P4HA3: variants seen among roughly 807,000 people sequenced by gnomAD.
P4HA3 encodes the protein prolyl 4-hydroxylase subunit alpha-3.
P4HA3 carries 60 observed loss-of-function variants against 66.7 expected under a neutral mutation model. The ratio of observed to expected loss-of-function variants is 0.90; its 90% CI spans 0.73 to 1.12. The LOEUF is 1.12. Among genes scored for constraint, P4HA3 ranks in the 50% most tolerant of loss-of-function variants. The probability of loss-of-function intolerance (pLI) is 0.00; values close to 1 mark genes in which losing one functional copy is unlikely to be tolerated. For synonymous variants in P4HA3, 263 were observed against 274.6 expected (o/e 0.96, Z 0.42); for missense variants, 683 against 685.8 (o/e 1.00, Z 0.05).
chr11:74,303,084 C>G (rs927193157), intron 2 of P4HA3, among the ~76,000 whole-genome samples: 1 of 151,940 alleles, frequency 6.6e-6, no homozygotes, highest in African/African-American at 2.4e-5. Context: ...TCTGAGTAGG[C>G]AGGACTTCAG....
At chr11:74,260,679 T>C (rs1859893301) in intron 14 of P4HA3, among the ~76,000 whole-genome samples, 1 of 152,220 alleles carries the variant, frequency 6.6e-6, no homozygotes, top group Non-Finnish European at 1.5e-5. Context: ...AATGGTTTTA[T>C]TAGGTTGGTG....
chr11:74,277,250 G>C (rs1438327595), intron 8 of P4HA3, 106 bp from the exon 9 acceptor site: 1 of 1,356,380 alleles, frequency 7.4e-7, no homozygotes, highest in Non-Finnish European at 1.0e-6. Flanking sequence ...ATTGCCAGAA[G>C]GAAGGATGGA....
In P4HA3 at chr11:74,273,534, G is replaced by T; in HGVS notation, c.1398+11C>A. 6.6e-7 allele frequency: 1 copy of T among 1,523,566 alleles called. No homozygotes were observed. The highest frequency in any genetic ancestry group is 8.8e-7 in the Non-Finnish European group (1 of 1,136,718). The allele number at this position is 1,523,566 out of a possible 1,614,324, so 94.4% of individuals were successfully genotyped here. ...TCAGTCATGAAGTAAGAAGCCCAGAGCAATACTCACATAGATCATAAATGT... is the reference window on the plus strand; with the variant it reads ...TCAGTCATGAAGTAAGAAGCCCAGATCAATACTCACATAGATCATAAATGT... On this transcript the variant is annotated intron_variant, in intron 10 of 12. Coordinates refer to ENST00000331597, the MANE Select transcript of P4HA3 (RefSeq NM_182904.5).
At chr11:74,297,874 T>C (rs1444910219) in intron 4 of P4HA3, among the ~76,000 whole-genome samples, 1 of 152,204 alleles carries the variant, frequency 6.6e-6, no homozygotes, top group Non-Finnish European at 1.5e-5. Flanking sequence ...ATGAACCCAT[T>C]AACTATTTGT....
chr11:74,270,066 C>T (rs1466935963), intron 10 of P4HA3, among the ~76,000 whole-genome samples: 6 of 152,154 alleles, frequency 3.9e-5, no homozygotes, highest in Non-Finnish European at 4.4e-5. Flanking sequence ...CACACATACA[C>T]ACACACACAG....
downstream of P4HA3, among the ~76,000 whole-genome samples, chr11:74,262,157 C>A (rs908601386): frequency 2.0e-5 from 3 of 152,098 alleles, no homozygotes; most frequent in Non-Finnish European, 2.9e-5. Flanking sequence ...TGCCCTTGAA[C>A]CCTTAACCAA....
chr11:74,277,205 C>G (rs1263450391), intron 8 of P4HA3, 61 bp from the exon 9 acceptor site: 1 of 1,532,154 alleles, frequency 6.5e-7, no homozygotes, highest in Non-Finnish European at 8.9e-7. Context: ...TAAATGACGT[C>G]TCTGAATGAA....
intron 7 of P4HA3, among the ~76,000 whole-genome samples, chr11:74,284,299 T>C (rs892384237): frequency 6.6e-6 from 1 of 152,242 alleles, no homozygotes; most frequent in Non-Finnish European, 1.5e-5. Context: ...ACCTTGCTGT[T>C]AACTGCAGTA....
chr11:74,252,076 G>A (rs1859689590), intron 15 of P4HA3, among the ~76,000 whole-genome samples: 1 of 150,550 alleles, frequency 6.6e-6, no homozygotes, highest in Non-Finnish European at 1.5e-5. Flanking sequence ...TGCTGCCAAG[G>A]AAAGCTGGGC....
In P4HA3 at chr11:74,302,442, G is replaced by C; in HGVS notation, c.494C>G (p.Ser165Cys). ...GGGGCTGTACAGGTCAGTGATGGCA[G>C]AGCCAGTGACTCTCTGAAAGACACC... ...ARGVFQRVTG[S>C]AITDLYSPKR... Residue 165 changes from serine (S) to cysteine (C), a missense_variant, in exon 3 of 13, where the codon TCT (serine) becomes TGT (cysteine). Transcript: ENST00000331597. 6.2e-7 allele frequency: 1 copy of C among 1,614,184 alleles called. No individual in the cohort carries two copies. The highest frequency in any genetic ancestry group is 8.5e-7 in the Non-Finnish European group (1 of 1,180,028).
intron 4 of P4HA3, among the ~76,000 whole-genome samples, chr11:74,294,025 A>G (rs962807421): frequency 2.0e-5 from 3 of 152,180 alleles, no homozygotes; most frequent in African/African-American, 2.4e-5. Context: ...TCTCCTGGAT[A>G]ATATCCTGCA....
At chr11:74,289,045 C>G (rs774492408) in intron 5 of P4HA3, 34 bp downstream of exon 5, 3 of 1,469,104 alleles carry the variant, frequency 2.0e-6, no homozygotes, top group Non-Finnish European at 2.7e-6. Flanking sequence ...GTAAATCAGA[C>G]CTGTGGCTGG....
chr11:74,311,355 G>T lies in P4HA3; in HGVS notation c.200+57C>A, dbSNP rs563451193. ...CACTCAACCTGAGTCACCCCACCCT[G>T]CGGCACAGTGTATCCCACTGAGGCC... is the stretch of plus-strand genomic sequence containing the variant. On this transcript the variant is annotated intron_variant, in intron 1 of 12. Transcript: ENST00000331597. The T allele has an allele frequency of 1.1e-5, 16 of 1,416,230 alleles. No individual in the cohort carries two copies. The East Asian group carries it at 3.8e-4, about 33-fold the overall frequency. The allele number at this position is 1,416,230 out of a possible 1,614,324, so 87.7% of individuals were successfully genotyped here. A position where few individuals can be genotyped will look rare whatever the true frequency, so the allele number is the denominator to read the frequency against.
In P4HA3 at chr11:74,253,732, C is replaced by T. The variant is rs981869880; in HGVS notation, c.*1319-5731G>A. The T allele has an allele frequency of 1.6e-5, 10 of 610,622 alleles. No individual in the cohort carries two copies. In the South Asian group the frequency reaches 1.8e-4, roughly 11 times the overall value. 37.8% of individuals were successfully genotyped at this position (610,622 alleles called of 1,614,324 possible). A position where few individuals can be genotyped will look rare whatever the true frequency, so the allele number is the denominator to read the frequency against. ...ATCGGCTTCCCCAGTCCAGGGCTCC[C>T]CTGCTCCTTTCCCTTCCCTGTACTG... On this transcript the variant is annotated intron_variant and NMD_transcript_variant, in intron 15 of 15. Transcript: ENST00000524388.
chr11:74,261,353 T>A (rs7944140), intron 14 of P4HA3, among the ~76,000 whole-genome samples: 2,027 of 151,824 alleles, frequency 0.013, 15 homozygotes, highest in Non-Finnish European at 0.021. Flanking sequence ...TAAAAAAAAA[T>A]TAGGAAAGGG....
At chr11:74,264,621 C>T (rs1221547602), downstream of P4HA3, among the ~76,000 whole-genome samples, 1 of 152,210 alleles carries the variant, frequency 6.6e-6, no homozygotes, top group Non-Finnish European at 1.5e-5. Context: ...ACTGAGTATG[C>T]ACCTTGTCAG....
intron 1 of P4HA3, 112 bp from the exon 2 acceptor site, chr11:74,304,524 T>A: frequency 7.9e-7 from 1 of 1,259,434 alleles, no homozygotes; most frequent in Non-Finnish European, 1.1e-6. Flanking sequence ...GCTGAACCTC[T>A]TGAGATTCAC....
chr11:74,277,730 C>T (rs1012802830), intron 8 of P4HA3, among the ~76,000 whole-genome samples: 4 of 152,244 alleles, frequency 2.6e-5, no homozygotes, highest in African/African-American at 7.2e-5. Flanking sequence ...GGCCAAACAG[C>T]AGAGTTCAGT....
chr11:74,267,520 T>C (rs1447033352), intron 12 of P4HA3, among the ~76,000 whole-genome samples: 1 of 152,222 alleles, frequency 6.6e-6, no homozygotes, highest in Non-Finnish European at 1.5e-5. Flanking sequence ...AAGAGGACAT[T>C]GTCCTCTGGA....
Sources: gnomAD v4.1 joint callset for allele counts (sites outside exome capture counted in the v4.1 genomes callset) on GRCh38, gnomAD v4.1.1 for gene constraint, MANE v1.5 for transcripts, NCBI Gene and HGNC (gene_info 2026-07-23, HGNC 2026-07-21) for gene names.